The following PHACTR1 variants were observed in gnomAD, a reference collection of about 807,000 sequenced individuals.
The protein encoded by PHACTR1 is phosphatase and actin regulator 1.
In PHACTR1, 16 loss-of-function variants were observed where a neutral mutation model predicts 69.2. The ratio of observed to expected loss-of-function variants is 0.23; its 90% CI spans 0.16 to 0.35. The LOEUF is 0.35. PHACTR1 is among the 10% of genes least tolerant of loss of function. PHACTR1 has a pLI of 1.00. For synonymous variants in PHACTR1, 312 were observed against 284.5 expected, an observed-to-expected ratio of 1.10 and a Z score of -0.97; for missense variants, 510 against 734.7, an observed-to-expected ratio of 0.69 and a Z score of 3.54.
intron 5 of PHACTR1, among the ~76,000 whole-genome samples, chr6:13,122,712 G>A (rs1186801875): frequency 3.9e-5 from 6 of 152,160 alleles, no homozygotes; most frequent in Non-Finnish European, 8.8e-5. Context: ...TTTGGAAATT[G>A]GAAGATACTG....
chr6:12,941,687 G>A lies in PHACTR1; in HGVS notation c.251-111678G>A, dbSNP rs563791106. ...GCAGAGTTGTGAATTATGGGTGTAC[G>A]TCAGGACAGGCGAGCCTCGAAGCAG... On this transcript the variant is annotated intron_variant, in intron 4 of 14. Transcript: ENST00000332995. Among the ~76,000 whole-genome samples, 17 of 152,220 alleles carry A rather than the reference G, an allele frequency of 1.1e-4. No individual in the cohort carries two copies. In the East Asian group the frequency reaches 2.1e-3, roughly 19 times the overall value.
At chr6:13,143,630 CT>C (rs1822848093) in intron 5 of PHACTR1, among the ~76,000 whole-genome samples, 1 of 152,030 alleles carries the variant, frequency 6.6e-6, no homozygotes, top group African/African-American at 2.4e-5. Flanking sequence ...ACTGCTACCC[CT>C]GGTGCTCAAA....
chr6:13,152,350 A>T (rs1257151652), intron 5 of PHACTR1, among the ~76,000 whole-genome samples: 1 of 152,052 alleles, frequency 6.6e-6, no homozygotes, highest in Admixed American at 6.6e-5. Context: ...AAAAAAATTC[A>T]TCAATGTCAA....
At chr6:12,936,067 A>C (rs1789415853) in intron 4 of PHACTR1, among the ~76,000 whole-genome samples, 1 of 151,912 alleles carries the variant, frequency 6.6e-6, no homozygotes, top group Non-Finnish European at 1.5e-5. Context: ...AAAACAGATA[A>C]TCTTGTTGCC....
chr6:12,952,272 C>T (rs1455811061), intron 4 of PHACTR1, among the ~76,000 whole-genome samples: 1 of 152,206 alleles, frequency 6.6e-6, no homozygotes, highest in Non-Finnish European at 1.5e-5. Context: ...AGGGTTCACT[C>T]TTGGTGCTGA....
intron 4 of PHACTR1, among the ~76,000 whole-genome samples, chr6:12,979,770 CT>C (rs780319420): frequency 5.0e-4 from 75 of 150,606 alleles, no homozygotes; most frequent in Non-Finnish European, 9.3e-4. Context: ...TACACTGTAA[CT>C]TAGTTACAGT....
At chr6:13,152,298 C>T (rs1824433399) in intron 5 of PHACTR1, among the ~76,000 whole-genome samples, 1 of 151,756 alleles carries the variant, frequency 6.6e-6, no homozygotes, top group Non-Finnish European at 1.5e-5. Flanking sequence ...CGAGCCATTG[C>T]ACTCCAGCCT....
At chr6:13,190,022 G>T (rs1319633467) in intron 7 of PHACTR1, among the ~76,000 whole-genome samples, 3 of 101,474 alleles carry the variant, frequency 3.0e-5, no homozygotes, top group African/African-American at 1.0e-4. Flanking sequence ...TATCTCTTCT[G>T]CTTTTTTTTT....
At chr6:12,806,386 T>A (rs1774333545) in intron 4 of PHACTR1, among the ~76,000 whole-genome samples, 1 of 152,256 alleles carries the variant, frequency 6.6e-6, no homozygotes, top group African/African-American at 2.4e-5. Flanking sequence ...GAGGCACTTT[T>A]GTAAAGACTT....
chr6:13,195,304 G>A (rs1250705208), intron 7 of PHACTR1, among the ~76,000 whole-genome samples: 1 of 152,174 alleles, frequency 6.6e-6, no homozygotes, highest in African/African-American at 2.4e-5. Context: ...AGTAATTAAA[G>A]GAGATAAGTA....
chr6:13,208,898 T>C (rs60944681), intron 8 of PHACTR1, among the ~76,000 whole-genome samples: 2,261 of 152,298 alleles, frequency 0.015, 62 homozygotes, highest in African/African-American at 0.051. Context: ...GGGCAGGGTA[T>C]GCAGCATGAT....
At chr6:13,174,045 C>T (rs964901125) in intron 6 of PHACTR1, among the ~76,000 whole-genome samples, 79 of 151,530 alleles carry the variant, frequency 5.2e-4, no homozygotes, top group African/African-American at 1.9e-3. Context: ...TTTTTCTATT[C>T]ACATAGAAAA....
intron 4 of PHACTR1, among the ~76,000 whole-genome samples, chr6:12,878,278 G>A (rs1749718632): frequency 6.6e-6 from 1 of 152,182 alleles, no homozygotes; most frequent in African/African-American, 2.4e-5. Flanking sequence ...CAAAATCATA[G>A]CTATTTTTAA....
chr6:12,916,836 T>C (rs758395014), intron 4 of PHACTR1, among the ~76,000 whole-genome samples: 37 of 152,344 alleles, frequency 2.4e-4, no homozygotes, highest in Middle Eastern at 3.4e-3. Context: ...TAACTCAAAA[T>C]GATTAATAAC....
intron 4 of PHACTR1, among the ~76,000 whole-genome samples, chr6:12,897,492 T>C (rs1330778753): frequency 6.6e-6 from 1 of 152,058 alleles, no homozygotes; most frequent in African/African-American, 2.4e-5. Context: ...CCACCAATCC[T>C]GCATCCTCTC....
chr6:12,887,066 T>C (rs1021816124), intron 4 of PHACTR1, among the ~76,000 whole-genome samples: 6 of 152,106 alleles, frequency 3.9e-5, no homozygotes, highest in Non-Finnish European at 8.8e-5. Context: ...CCTTTTCTTT[T>C]TAATGAGCTG....
chr6:12,816,929 C>T (rs932784791), intron 4 of PHACTR1, among the ~76,000 whole-genome samples: 5 of 152,102 alleles, frequency 3.3e-5, no homozygotes, highest in African/African-American at 1.2e-4. Context: ...AACACTTTGC[C>T]AACCGGGAAG....
chr6:13,040,200 G>A (rs962269474), intron 4 of PHACTR1, among the ~76,000 whole-genome samples: 3 of 152,104 alleles, frequency 2.0e-5, no homozygotes, highest in Middle Eastern at 6.3e-3. Flanking sequence ...CTGCACTCAT[G>A]GGCCTTAGTA....
intron 3 of PHACTR1, among the ~76,000 whole-genome samples, chr6:12,726,047 A>T (rs1479947883): frequency 6.6e-6 from 1 of 152,160 alleles, no homozygotes; most frequent in African/African-American, 2.4e-5. Flanking sequence ...GACTGAAGGG[A>T]AGGACATGCA....
Sources: allele counts gnomAD v4.1 joint callset (sites outside exome capture counted in the v4.1 genomes callset), GRCh38; gene constraint gnomAD v4.1.1; transcripts MANE v1.5; gene names NCBI Gene and HGNC (gene_info 2026-07-23, HGNC 2026-07-21).